The following MANBA variants were observed in gnomAD, a reference collection of about 807,000 sequenced individuals.
MANBA encodes the protein beta-mannosidase.
A neutral mutation model predicts 111.1 loss-of-function variants in MANBA; 83 were observed. That is an observed-to-expected ratio of 0.75 (90% CI 0.63 to 0.90). The LOEUF is 0.90. Ranked by LOEUF, MANBA falls within the 40% of genes least tolerant of loss-of-function variation. The pLI is 0.00. For missense variants in MANBA, 1,036 were observed against 1,069.0 expected (o/e 0.97, Z 0.43); for synonymous variants, 370 against 378.7 (o/e 0.98, Z 0.27).
At chr4:102,743,409 T>C (rs1365730821) in intron 1 of MANBA, among the ~76,000 whole-genome samples, 1 of 152,192 alleles carries the variant, frequency 6.6e-6, no homozygotes, top group Non-Finnish European at 1.5e-5. Flanking sequence ...CCTTCAGGGA[T>C]GTCCTAGAAA....
intron 4 of MANBA, among the ~76,000 whole-genome samples, chr4:102,720,612 A>T (rs1447416306): frequency 1.3e-5 from 2 of 152,104 alleles, no homozygotes; most frequent in African/African-American, 4.8e-5. Context: ...CTCAAAAAAA[A>T]AAAAGGAAGG....
intron 1 of MANBA, 28 bp downstream of exon 1, chr4:102,760,690 C>T: frequency 1.3e-6 from 2 of 1,510,536 alleles, no homozygotes; most frequent in African/African-American, 2.8e-5. Context: ...CGGGCGCAGG[C>T]TCGCCGCGGG....
chr4:102,680,617 C>G (rs1213888917), intron 7 of MANBA, among the ~76,000 whole-genome samples: 3 of 151,844 alleles, frequency 2.0e-5, no homozygotes, highest in African/African-American at 7.3e-5. Context: ...AAAAAAGTTT[C>G]CAAAAAAGCA....
chr4:102,653,096 A>G (rs900493441), intron 12 of MANBA, among the ~76,000 whole-genome samples: 11 of 152,194 alleles, frequency 7.2e-5, no homozygotes, highest in African/African-American at 1.9e-4. Flanking sequence ...AAAATGGTCT[A>G]TACTAAAGGT....
At chr4:102,633,482 A>C (rs1729477673) in intron 16 of MANBA, 1 of 398,458 alleles carries the variant, frequency 2.5e-6, no homozygotes, top group African/African-American at 2.1e-5. Context: ...CCCTGGCTTC[A>C]GGGAGACAGG....
intron 14 of MANBA, among the ~76,000 whole-genome samples, chr4:102,638,577 G>T (rs1026001448): frequency 6.6e-6 from 1 of 152,026 alleles, no homozygotes; most frequent in Non-Finnish European, 1.5e-5. Flanking sequence ...TTCTTGAATC[G>T]AACTCAGTTT....
intron 10 of MANBA, 168 bp from the exon 11 acceptor site, chr4:102,665,020 A>C (rs1731158275): frequency 1.7e-6 from 1 of 604,794 alleles, no homozygotes; most frequent in African/African-American, 1.9e-5. Flanking sequence ...ATACATTTTA[A>C]GAAATCTCTG....
chr4:102,637,907 C>A (rs998845160), intron 14 of MANBA, among the ~76,000 whole-genome samples: 1 of 152,150 alleles, frequency 6.6e-6, no homozygotes, highest in Non-Finnish European at 1.5e-5. Flanking sequence ...CCCAGACTTG[C>A]GACTGCTGTC....
intron 5 of MANBA, among the ~76,000 whole-genome samples, chr4:102,702,386 T>A (rs1733097918): frequency 6.6e-6 from 1 of 152,214 alleles, no homozygotes; most frequent in Admixed American, 6.5e-5. Flanking sequence ...CCAGCTTTGT[T>A]CCATTACTGG....
intron 4 of MANBA, among the ~76,000 whole-genome samples, chr4:102,719,753 C>T (rs977746594): frequency 2.0e-5 from 3 of 152,214 alleles, no homozygotes; most frequent in South Asian, 2.1e-4. Context: ...GACGGGCATA[C>T]CTCAAGTTAT....
chr4:102,737,316 C>T (rs1365128336), intron 1 of MANBA, among the ~76,000 whole-genome samples: 1 of 152,134 alleles, frequency 6.6e-6, no homozygotes, highest in African/African-American at 2.4e-5. Flanking sequence ...GCCATGTTTG[C>T]TTTCTCAGCA....
intron 1 of MANBA, chr4:102,751,946 C>A: frequency 1.5e-6 from 1 of 682,846 alleles, no homozygotes; most frequent in South Asian, 1.4e-5. Flanking sequence ...AAAGCCCGAC[C>A]GTGCTGCAGA....
At chr4:102,729,363 G>A (rs1722938224) in intron 1 of MANBA, 8 of 777,960 alleles carry the variant, frequency 1.0e-5, no homozygotes, top group Non-Finnish European at 1.8e-5. Context: ...TGCAGTTGGC[G>A]ATCTCCTCGT....
chr4:102,688,488 A>G (rs1454884157), intron 7 of MANBA, among the ~76,000 whole-genome samples: 3 of 152,074 alleles, frequency 2.0e-5, no homozygotes, highest in Non-Finnish European at 4.4e-5. Flanking sequence ...CCTGAAGGAC[A>G]TATCTCCATC....
intron 1 of MANBA, among the ~76,000 whole-genome samples, chr4:102,750,956 G>A (rs1167762088): frequency 6.6e-6 from 1 of 152,046 alleles, no homozygotes; most frequent in East Asian, 1.9e-4. Context: ...ATAAGGGATG[G>A]CATAGTGGAT....
rs150926858 is a variant in MANBA, at chr4:102,720,172, C to T, written c.549+2699G>A. Among the ~76,000 whole-genome samples the T allele has an allele frequency of 3.0e-3, 459 of 152,294 alleles. 3 individuals carry two copies. Among genetic ancestry groups the T allele is most frequent in the Middle Eastern group, 6.8e-3 (2 of 294 alleles). On this transcript the variant is annotated intron_variant, in intron 4 of 16. Coordinates refer to ENST00000647097, the MANE Select transcript of MANBA (RefSeq NM_005908.4). ...AAGGGGAAGCCAGCACAGTAGCTCA[C>T]GCCTGTAATCCCAGCACTTTGGGAG...
At chr4:102,729,754 A>G in intron 1 of MANBA, 1 of 1,291,670 alleles carries the variant, frequency 7.7e-7, no homozygotes, top group Non-Finnish European at 1.1e-6. Flanking sequence ...TAGCTCTGGA[A>G]CATGTTGTCC....
At chr4:102,757,230 G>T (rs781191714) in intron 1 of MANBA, among the ~76,000 whole-genome samples, 1 of 152,084 alleles carries the variant, frequency 6.6e-6, no homozygotes, top group Non-Finnish European at 1.5e-5. Context: ...CTGGGAGACT[G>T]AGGCAGGAGA....
rs200861993 is a variant in MANBA, at chr4:102,639,664, C to T, written c.2014+49G>A. 3.7e-6 allele frequency: 6 copies of T among 1,612,052 alleles called. No homozygotes were observed. The South Asian group carries it at 4.4e-5, about 12-fold the overall frequency. On this transcript the variant is annotated intron_variant, in intron 14 of 16. Transcript: ENST00000647097. ...CACTGTGCTTTCTCAGTCCCTCTCC[C>T]CACAGTGTTGCTTTCTCTCACTCGC...
Sources: gnomAD v4.1 joint callset for allele counts (sites outside exome capture counted in the v4.1 genomes callset) on GRCh38, gnomAD v4.1.1 for gene constraint, MANE v1.5 for transcripts, NCBI Gene and HGNC (gene_info 2026-07-23, HGNC 2026-07-21) for gene names.